COL23A1: variants seen among roughly 807,000 people sequenced by gnomAD.
COL23A1 encodes collagen alpha-1(XXIII) chain.
A neutral mutation model predicts 99.3 loss-of-function variants in COL23A1; 97 were observed. The observed-to-expected ratio is 0.98, with a 90% CI of 0.83 to 1.16. The LOEUF (loss-of-function observed/expected upper bound fraction) is 1.16. COL23A1 is among the 50% of genes most tolerant of loss of function. The pLI, the probability that COL23A1 is intolerant of heterozygous loss-of-function variation, is 0.00. For synonymous variants in COL23A1, 320 were observed against 308.2 expected (o/e 1.04, Z -0.40); for missense variants, 762 against 757.4 (o/e 1.01, Z -0.07).
chr5:178,496,541 T>C (rs557720120), intron 2 of COL23A1, among the ~76,000 whole-genome samples: 2 of 152,316 alleles, frequency 1.3e-5, no homozygotes, highest in African/African-American at 4.8e-5. Context: ...GGGAAGAAAA[T>C]GTAAATGTAA....
chr5:178,242,918 C>T (rs570700872), intron 25 of COL23A1, among the ~76,000 whole-genome samples: 16 of 152,266 alleles, frequency 1.1e-4, no homozygotes, highest in East Asian at 9.7e-4. Flanking sequence ...TCATTGTGGC[C>T]GGGCATGGTG....
intron 2 of COL23A1, among the ~76,000 whole-genome samples, chr5:178,466,857 G>A (rs921431150): frequency 3.9e-5 from 6 of 152,222 alleles, no homozygotes; most frequent in East Asian, 1.9e-4. Context: ...ACGGAAGTCC[G>A]AGGAAGGCAG....
intron 2 of COL23A1, among the ~76,000 whole-genome samples, chr5:178,374,273 T>C (rs2973719): frequency 0.39 from 59,049 of 151,862 alleles, 12,487 homozygotes; most frequent in African/African-American, 0.56. Context: ...GCAACCCTTC[T>C]ATCCCTGAGG....
chr5:178,359,084 AGGCTGAAAGG>A (rs1358565153), intron 2 of COL23A1, among the ~76,000 whole-genome samples: 2 of 152,222 alleles, frequency 1.3e-5, no homozygotes, highest in East Asian at 3.8e-4. Context: ...GCAGCTCTCC[AGGCTGAAAGG>A]GGCTTGGGGG....
At chr5:178,400,870 T>G (rs1764411209) in intron 2 of COL23A1, among the ~76,000 whole-genome samples, 5 of 152,196 alleles carry the variant, frequency 3.3e-5, no homozygotes, top group Admixed American at 3.3e-4. Flanking sequence ...ACTCCTGACA[T>G]CAGGTGATCC....
chr5:178,380,540 C>A lies in COL23A1; in HGVS notation c.362-73621G>T, dbSNP rs148050480. Among the ~76,000 whole-genome samples, 971 of 152,174 alleles carry A rather than the reference C, an allele frequency of 6.4e-3. 9 individuals carry two copies. The highest frequency in any genetic ancestry group is 0.022 in the African/African-American group (918 of 41,506). On this transcript the variant is annotated intron_variant, in intron 2 of 28. Coordinates refer to ENST00000390654, the MANE Select transcript of COL23A1 (RefSeq NM_173465.4). Reference sequence around the variant, plus strand: ...GAGTTCCAAGTTTTGATTTTTCAGTCGCAGTTGATTTCACTCATTATTCAT... The same window carrying A: ...GAGTTCCAAGTTTTGATTTTTCAGTAGCAGTTGATTTCACTCATTATTCAT...
chr5:178,261,735 G>C lies in COL23A1; in HGVS notation c.689C>G (p.Pro230Arg). The C allele has an allele frequency of 1.2e-6, 2 of 1,609,452 alleles. No individual in the cohort carries two copies. Among genetic ancestry groups the C allele is most frequent in the Non-Finnish European group, 1.7e-6 (2 of 1,175,740 alleles). ...AGGAGTACTCACCTTGGGCCCTGGG[G>C]GTCCCTTTGGGCCCTGGAACAAGAG... is the stretch of plus-strand genomic sequence containing the variant. ...GQDGEMGPKGPPGPKGEPGVP... is the reference protein window; with the variant it reads ...GQDGEMGPKGRPGPKGEPGVP... The change falls in exon 11 of 29, where the codon CCC becomes CGC. Residue 230 changes from proline (P) to arginine (R), a missense_variant. Coordinates refer to ENST00000390654, the MANE Select transcript of COL23A1 (RefSeq NM_173465.4).
chr5:178,421,210 A>T (rs1765617658), intron 2 of COL23A1, among the ~76,000 whole-genome samples: 1 of 152,182 alleles, frequency 6.6e-6, no homozygotes, highest in Non-Finnish European at 1.5e-5. Flanking sequence ...TTGGAGATAT[A>T]GGTTGACCTA....
rs769410243 is a variant in COL23A1, at chr5:178,450,386, C to A, written c.361+110296G>T. On this transcript the variant is annotated intron_variant, in intron 2 of 28. Transcript: ENST00000390654. ...TCGGGCTCACTCTTGAGAGAAGGTG[C>A]GTGCCACCCCGCCCTTTCCTTTCTT... Among the ~76,000 whole-genome samples, 5 of 152,158 alleles carry A rather than the reference C, an allele frequency of 3.3e-5. No individual in the cohort carries two copies. In the East Asian group the frequency reaches 7.7e-4, roughly 23 times the overall value.
chr5:178,377,156 T>C (rs918307160), intron 2 of COL23A1, among the ~76,000 whole-genome samples: 1 of 152,172 alleles, frequency 6.6e-6, no homozygotes, highest in Non-Finnish European at 1.5e-5. Flanking sequence ...GAGTCAGCAG[T>C]GGGCAGCGGG....
At chr5:178,416,965 C>T (rs1231599135) in intron 2 of COL23A1, among the ~76,000 whole-genome samples, 1 of 152,172 alleles carries the variant, frequency 6.6e-6, no homozygotes, top group Non-Finnish European at 1.5e-5. Flanking sequence ...CCTCTCTCAG[C>T]CCTCCCCAGG....
At chr5:178,325,671 C>T (rs376404670) in intron 2 of COL23A1, among the ~76,000 whole-genome samples, 1 of 152,294 alleles carries the variant, frequency 6.6e-6, no homozygotes, top group East Asian at 1.9e-4. Context: ...CACGAGCTCC[C>T]CAAAGCTGGG....
chr5:178,556,625 TTAAAATAAAA>T (rs374978162), intron 2 of COL23A1, among the ~76,000 whole-genome samples: 239 of 124,540 alleles, frequency 1.9e-3, no homozygotes, highest in East Asian at 9.9e-3. Context: ...CTCTGTCAAA[TTAAAATAAAA>T]TAAAATAAAA....
At chr5:178,269,374 TCTATCCATCCATCCAC>T (rs1756108681) in intron 6 of COL23A1, among the ~76,000 whole-genome samples, 1 of 26,654 alleles carries the variant, frequency 3.8e-5, no homozygotes, top group Non-Finnish European at 1.1e-4. Flanking sequence ...CACCCACCCA[TCTATCCATCCATCCAC>T]CCACCCATCC....
intron 2 of COL23A1, among the ~76,000 whole-genome samples, chr5:178,536,363 C>T (rs1439680261): frequency 3.3e-5 from 5 of 152,248 alleles, no homozygotes; most frequent in Admixed American, 2.0e-4. Context: ...TCTCACATCC[C>T]GACCACATCA....
intron 2 of COL23A1, chr5:178,345,218 G>A (rs1465348662): frequency 5.8e-6 from 5 of 856,862 alleles, no homozygotes; most frequent in Non-Finnish European, 9.4e-6. Context: ...GGTTAGAGAT[G>A]TTCTTGATTT....
rs768744972 is a variant in COL23A1 at position 178,248,271 on chromosome 5, G to A, written c.1150-17C>T. 12 of 1,605,556 alleles carry A rather than the reference G, an allele frequency of 7.5e-6. No individual in the cohort carries two copies. In the South Asian group the frequency reaches 1.3e-4, roughly 18 times the overall value. Reference sequence around the variant, plus strand: ...GTCAGCGCCCTGCAGGACGGCAATGGCCTGTGAGTCCTTTGTGTCCAGCAC... The same window carrying A: ...GTCAGCGCCCTGCAGGACGGCAATGACCTGTGAGTCCTTTGTGTCCAGCAC... On this transcript the variant is annotated splice_polypyrimidine_tract_variant and intron_variant, in intron 19 of 28. Coordinates refer to ENST00000390654, the MANE Select transcript of COL23A1 (RefSeq NM_173465.4).
chr5:178,495,872 T>A (rs1386936338), intron 2 of COL23A1, among the ~76,000 whole-genome samples: 1 of 152,202 alleles, frequency 6.6e-6, no homozygotes, highest in African/African-American at 2.4e-5. Context: ...TTAGTCCTCA[T>A]GACAACTTTG....
chr5:178,523,209 G>C (rs1211465368), intron 2 of COL23A1, among the ~76,000 whole-genome samples: 1 of 109,648 alleles, frequency 9.1e-6, no homozygotes, highest in Non-Finnish European at 1.9e-5. Flanking sequence ...TATAGAGAGA[G>C]AGAGAGAGAG....
Sources: allele counts gnomAD v4.1 joint callset (sites outside exome capture counted in the v4.1 genomes callset), GRCh38; gene constraint gnomAD v4.1.1; transcripts MANE v1.5; gene names NCBI Gene and HGNC (gene_info 2026-07-23, HGNC 2026-07-21).